COL4A2: variants seen among roughly 807,000 people sequenced by gnomAD.
COL4A2 encodes collagen type IV alpha 2 chain.
A neutral mutation model predicts 200.2 loss-of-function variants in COL4A2; 99 were observed. That is an observed-to-expected ratio of 0.49 (90% CI 0.42 to 0.58). The LOEUF (loss-of-function observed/expected upper bound fraction) is 0.58. COL4A2 is among the 20% of genes least tolerant of loss of function. The probability of loss-of-function intolerance (pLI) is 0.00; values close to 1 mark genes in which losing one functional copy is unlikely to be tolerated. For missense variants in COL4A2, 1,950 were observed against 2,314.1 expected, an observed-to-expected ratio of 0.84 and a Z score of 3.23; for synonymous variants, 897 against 900.6, an observed-to-expected ratio of 1.00 and a Z score of 0.07.
At chr13:110,412,977 C>T (rs1439138705) in intron 4 of COL4A2, among the ~76,000 whole-genome samples, 1 of 152,164 alleles carries the variant, frequency 6.6e-6, no homozygotes, top group Non-Finnish European at 1.5e-5. Context: ...AACGAACAAT[C>T]AGAAATTCCA....
chr13:110,365,837 G>A (rs1861238626), intron 4 of COL4A2, among the ~76,000 whole-genome samples: 1 of 152,198 alleles, frequency 6.6e-6, no homozygotes. Flanking sequence ...AACGAAGCTA[G>A]GGCCTTTCTT....
chr13:110,401,699 C>T (rs1879375821), intron 4 of COL4A2, among the ~76,000 whole-genome samples: 1 of 152,206 alleles, frequency 6.6e-6, no homozygotes, highest in African/African-American at 2.4e-5. Context: ...TTCTGTGAAT[C>T]AGTTACTGTC....
At chr13:110,372,437 T>C (rs1211725929) in intron 4 of COL4A2, among the ~76,000 whole-genome samples, 1 of 152,262 alleles carries the variant, frequency 6.6e-6, no homozygotes, top group African/African-American at 2.4e-5. Flanking sequence ...AGTGTCATCC[T>C]GTAGAGTTTC....
intron 4 of COL4A2, among the ~76,000 whole-genome samples, chr13:110,423,312 T>G (rs1880329269): frequency 6.6e-6 from 1 of 151,546 alleles, no homozygotes; most frequent in Non-Finnish European, 1.5e-5. Context: ...ATTTTTAATT[T>G]TTTTAATGTA....
intron 4 of COL4A2, among the ~76,000 whole-genome samples, chr13:110,364,080 A>G (rs1277413658): frequency 1.3e-5 from 2 of 152,200 alleles, no homozygotes; most frequent in African/African-American, 4.8e-5. Flanking sequence ...TTGCAAACCA[A>G]CTGCAATTTT....
chr13:110,457,936 G>C (rs568874736), intron 21 of COL4A2, among the ~76,000 whole-genome samples: 96 of 152,234 alleles, frequency 6.3e-4, no homozygotes, highest in Non-Finnish European at 4.4e-5. Context: ...TGGAACAGGT[G>C]GTCTTTGCAC....
At chr13:110,416,685 C>T (rs191163104) in intron 4 of COL4A2, among the ~76,000 whole-genome samples, 3 of 151,820 alleles carry the variant, frequency 2.0e-5, no homozygotes, top group Admixed American at 6.5e-5. Context: ...TGTACATCTA[C>T]CCCAGTCAAA....
chr13:110,376,559 A>G lies in COL4A2; in HGVS notation c.180+19007A>G, dbSNP rs1195335439. On this transcript the variant is annotated intron_variant, in intron 4 of 47. Coordinates refer to ENST00000360467, the MANE Select transcript of COL4A2 (RefSeq NM_001846.4). Reference sequence around the variant, plus strand: ...TTAGTTTTGGAAACTTTACTTTTTTATAAAAATCATCGTTTTTACATTACA... The same window carrying G: ...TTAGTTTTGGAAACTTTACTTTTTTGTAAAAATCATCGTTTTTACATTACA... Among the ~76,000 whole-genome samples the G allele has an allele frequency of 2.0e-5, 3 of 152,202 alleles. No homozygotes were observed. The East Asian group carries it at 5.8e-4, about 29-fold the overall frequency.
chr13:110,391,056 A>G (rs1453232750), intron 4 of COL4A2, among the ~76,000 whole-genome samples: 1 of 152,200 alleles, frequency 6.6e-6, no homozygotes, highest in Non-Finnish European at 1.5e-5. Context: ...ACTTCTTTTT[A>G]CGATACTCCC....
intron 3 of COL4A2, among the ~76,000 whole-genome samples, chr13:110,341,653 T>C (rs1876458535): frequency 6.6e-6 from 1 of 152,226 alleles, no homozygotes; most frequent in South Asian, 2.1e-4. Flanking sequence ...CGTAAGGGGA[T>C]ACCGGCTTTA....
chr13:110,486,959 A>C (rs1438270820), intron 34 of COL4A2, among the ~76,000 whole-genome samples: 1 of 152,234 alleles, frequency 6.6e-6, no homozygotes, highest in Non-Finnish European at 1.5e-5. Flanking sequence ...TGCAGGTCAC[A>C]GGGGATATGA....
At chr13:110,347,403 CT>C (rs1876756114) in intron 3 of COL4A2, among the ~76,000 whole-genome samples, 1 of 152,214 alleles carries the variant, frequency 6.6e-6, no homozygotes, top group Non-Finnish European at 1.5e-5. Flanking sequence ...ATCATCCTCC[CT>C]TTGTGCAGAA....
intron 4 of COL4A2, among the ~76,000 whole-genome samples, chr13:110,380,197 T>G (rs1445729391): frequency 6.6e-6 from 1 of 152,238 alleles, no homozygotes; most frequent in African/African-American, 2.4e-5. Flanking sequence ...TAACAGCTTT[T>G]TAACCCCCAG....
At chr13:110,351,891 C>T (rs1388463616) in intron 3 of COL4A2, among the ~76,000 whole-genome samples, 1 of 152,158 alleles carries the variant, frequency 6.6e-6, no homozygotes, top group Non-Finnish European at 1.5e-5. Context: ...CTGGCCAATG[C>T]GCCTGGGAAG....
At chr13:110,350,832 CG>C (rs1876923947) in intron 3 of COL4A2, among the ~76,000 whole-genome samples, 1 of 152,124 alleles carries the variant, frequency 6.6e-6, no homozygotes, top group Non-Finnish European at 1.5e-5. Context: ...CTTGCCATGG[CG>C]GGGGCCAGCT....
chr13:110,476,640 G>C (rs991940494), intron 29 of COL4A2, among the ~76,000 whole-genome samples: 2 of 152,352 alleles, frequency 1.3e-5, no homozygotes, highest in Non-Finnish European at 2.9e-5. Flanking sequence ...GTGAGGCTAC[G>C]TGAGTGTGTG....
At chr13:110,423,482 G>A (rs1325276621) in intron 4 of COL4A2, among the ~76,000 whole-genome samples, 3 of 152,214 alleles carry the variant, frequency 2.0e-5, no homozygotes, top group Admixed American at 6.5e-5. Flanking sequence ...TAGCAAATAC[G>A]TGCTGGGCTT....
rs1389165169 is a variant in COL4A2, at chr13:110,437,924, G to A, written c.826-78G>A. 2.2e-5 allele frequency: 25 copies of A among 1,155,162 alleles called. No homozygotes were observed. The East Asian group carries it at 5.6e-4, about 26-fold the overall frequency. 71.6% of individuals were successfully genotyped at this position (1,155,162 alleles called of 1,614,324 possible). A position where few individuals can be genotyped will look rare whatever the true frequency, so the allele number is the denominator to read the frequency against. On this transcript the variant is annotated intron_variant, in intron 13 of 47. Coordinates refer to ENST00000360467, the MANE Select transcript of COL4A2 (RefSeq NM_001846.4). ...GATTGATTCAGTACTTTCAGCTCAT[G>A]TCATGAACCCTGATTGATTTTTACC... is the stretch of plus-strand genomic sequence containing the variant.
chr13:110,496,999 C>T (rs1883482469), intron 40 of COL4A2, among the ~76,000 whole-genome samples: 1 of 150,698 alleles, frequency 6.6e-6, no homozygotes, highest in African/African-American at 2.5e-5. Context: ...AGGGTCAGTC[C>T]ACCAGCACAG....
Sources: allele counts gnomAD v4.1 joint callset (sites outside exome capture counted in the v4.1 genomes callset), GRCh38; gene constraint gnomAD v4.1.1; transcripts MANE v1.5; gene names NCBI Gene and HGNC (gene_info 2026-07-23, HGNC 2026-07-21).